C12orf56: variants seen among roughly 807,000 people sequenced by gnomAD.
The protein encoded by C12orf56 is chromosome 12 open reading frame 56.
C12orf56 carries 71 observed loss-of-function variants against 69.9 expected under a neutral mutation model. The observed-to-expected ratio is 1.02, with a 90% CI of 0.84 to 1.24. C12orf56 has a LOEUF of 1.24. Ranked by LOEUF, C12orf56 falls within the 50% of genes most tolerant of loss-of-function variation. C12orf56 has a pLI of 0.00. For synonymous variants in C12orf56, 276 were observed against 274.1 expected (o/e 1.01, Z -0.07); for missense variants, 732 against 738.5 (o/e 0.99, Z 0.10).
At chr12:64,335,359 A>C (rs893898343) in intron 2 of C12orf56, among the ~76,000 whole-genome samples, 1 of 144,624 alleles carries the variant, frequency 6.9e-6, no homozygotes. Context: ...AGAGGTTGCT[A>C]TGAGCCAAGA....
At chr12:64,364,003 CT>C (rs1165199916) in intron 1 of C12orf56, among the ~76,000 whole-genome samples, 245 of 144,750 alleles carry the variant, frequency 1.7e-3, no homozygotes, top group Middle Eastern at 3.5e-3. Context: ...TTTTTTCTTT[CT>C]TTTTTTTTTT....
intron 6 of C12orf56, among the ~76,000 whole-genome samples, chr12:64,301,398 C>T (rs1287681179): frequency 6.6e-6 from 1 of 151,984 alleles, no homozygotes; most frequent in South Asian, 2.1e-4. Flanking sequence ...CTCCTCAGGC[C>T]GCCACAAACA....
At chr12:64,390,238 G>A in intron 1 of C12orf56, 76 bp downstream of exon 1, 1 of 1,485,926 alleles carries the variant, frequency 6.7e-7, no homozygotes, top group Non-Finnish European at 8.9e-7. Flanking sequence ...CCCCGCGCAG[G>A]AGGGCTGGGT....
At position 64,275,317 on chromosome 12, in the gene C12orf56, A is replaced by G. The variant is rs533493302; in HGVS notation, c.1490T>C (p.Ile497Thr). ...TTGTACCTGCTGAAAGACCAGAAGTATCTCATATAAAAGTGCTGTAGCAGT... is the reference window on the plus strand; with the variant it reads ...TTGTACCTGCTGAAAGACCAGAAGTGTCTCATATAAAAGTGCTGTAGCAGT... ...TNTATALLYE[I>T]LLVFQQGNLG... The change falls in exon 10 of 13, where the codon ATA becomes ACA. Residue 497 changes from isoleucine (I) to threonine (T), a missense_variant. Coordinates refer to ENST00000543942, the MANE Select transcript of C12orf56 (RefSeq NM_001170633.2). 2.1e-6 allele frequency: 3 copies of G among 1,430,772 alleles called. No homozygotes were observed. The East Asian group carries it at 7.7e-5, about 37-fold the overall frequency. 88.6% of individuals were successfully genotyped at this position (1,430,772 alleles called of 1,614,324 possible). A position where few individuals can be genotyped will look rare whatever the true frequency, so the allele number is the denominator to read the frequency against.
At chr12:64,297,493 C>T (rs1434911793) in intron 6 of C12orf56, among the ~76,000 whole-genome samples, 2 of 152,080 alleles carry the variant, frequency 1.3e-5, no homozygotes, top group Non-Finnish European at 2.9e-5. Flanking sequence ...ATCAACCCGT[C>T]AGCCACATTA....
intron 8 of C12orf56, among the ~76,000 whole-genome samples, chr12:64,284,177 C>G (rs1453907155): frequency 2.0e-5 from 3 of 152,066 alleles, no homozygotes; most frequent in Non-Finnish European, 4.4e-5. Context: ...GGATTACAGG[C>G]GTGAGCCACC....
intron 1 of C12orf56, among the ~76,000 whole-genome samples, chr12:64,363,764 C>T (rs757406488): frequency 4.6e-5 from 7 of 152,230 alleles, no homozygotes; most frequent in East Asian, 1.9e-4. Flanking sequence ...ATGATGCGGT[C>T]GTCCTTTTGG....
intron 6 of C12orf56, among the ~76,000 whole-genome samples, chr12:64,298,530 T>G (rs1015633721): frequency 2.0e-5 from 3 of 152,246 alleles, no homozygotes; most frequent in African/African-American, 7.2e-5. Flanking sequence ...TGTTTAAGTC[T>G]TTAATCCACC....
intron 2 of C12orf56, among the ~76,000 whole-genome samples, chr12:64,349,390 G>A (rs1162649646): frequency 1.3e-5 from 2 of 152,182 alleles, no homozygotes; most frequent in East Asian, 1.9e-4. Context: ...GCAGTGATCA[G>A]GGAACACTTT....
At chr12:64,298,784 C>T (rs1224119798) in intron 6 of C12orf56, among the ~76,000 whole-genome samples, 2 of 152,102 alleles carry the variant, frequency 1.3e-5, no homozygotes, top group African/African-American at 4.8e-5. Context: ...GTTACTGTAG[C>T]CTTGTAGTAT....
chr12:64,330,196 G>A (rs1565759430), intron 3 of C12orf56, among the ~76,000 whole-genome samples: 1 of 152,004 alleles, frequency 6.6e-6, no homozygotes, highest in African/African-American at 2.4e-5. Flanking sequence ...TGTTGTAATG[G>A]TTTCTATATC....
intron 1 of C12orf56, among the ~76,000 whole-genome samples, chr12:64,382,382 G>A (rs967012325): frequency 6.6e-6 from 1 of 151,794 alleles, no homozygotes; most frequent in African/African-American, 2.4e-5. Context: ...AAAGCCAGGT[G>A]ACCTAATTTG....
intron 12 of C12orf56, chr12:64,267,547 G>A (rs2037931980): frequency 4.6e-6 from 2 of 430,388 alleles, no homozygotes; most frequent in African/African-American, 2.1e-5. Context: ...ACCACAGTAT[G>A]AGCAGAGGCT....
At chr12:64,386,275 G>A (rs1351141753) in intron 1 of C12orf56, among the ~76,000 whole-genome samples, 5 of 151,824 alleles carry the variant, frequency 3.3e-5, no homozygotes, top group Admixed American at 6.6e-5. Context: ...GTGCAATGGC[G>A]CAATCTTGGC....
chr12:64,313,496 A>G (rs958155556), intron 4 of C12orf56, among the ~76,000 whole-genome samples: 1 of 151,736 alleles, frequency 6.6e-6, no homozygotes, highest in African/African-American at 2.4e-5. Context: ...GCAGTGAGCT[A>G]TGATTGTGCC....
chr12:64,319,959 C>G (rs1376691015), intron 3 of C12orf56, among the ~76,000 whole-genome samples: 1 of 152,062 alleles, frequency 6.6e-6, no homozygotes, highest in East Asian at 1.9e-4. Context: ...TTTCGCTCCC[C>G]GTCCACCACT....
At chr12:64,387,251 G>A (rs150940373) in intron 1 of C12orf56, among the ~76,000 whole-genome samples, 128 of 152,060 alleles carry the variant, frequency 8.4e-4, no homozygotes, top group African/African-American at 3.0e-3. Context: ...GGGATTTAGC[G>A]TGTGCTTATC....
At chr12:64,315,768 C>T (rs1358727566) in intron 4 of C12orf56, among the ~76,000 whole-genome samples, 2 of 152,136 alleles carry the variant, frequency 1.3e-5, no homozygotes, top group Non-Finnish European at 2.9e-5. Context: ...CCTGTCTCTA[C>T]TAAAATACAA....
At chr12:64,371,262 C>G (rs1040498405) in intron 1 of C12orf56, among the ~76,000 whole-genome samples, 5 of 151,382 alleles carry the variant, frequency 3.3e-5, no homozygotes, top group African/African-American at 1.2e-4. Context: ...AAAACATTAG[C>G]CGGGAGTGGT....
Sources: allele counts gnomAD v4.1 joint callset (sites outside exome capture counted in the v4.1 genomes callset), GRCh38; gene constraint gnomAD v4.1.1; transcripts MANE v1.5; gene names NCBI Gene and HGNC (gene_info 2026-07-23, HGNC 2026-07-21).